LHFPL6: variants seen among roughly 807,000 people sequenced by gnomAD.
LHFPL6 encodes LHFPL tetraspan subfamily member 6, also known as LHFPL tetraspan subfamily member 6 protein.
A neutral mutation model predicts 20.6 loss-of-function variants in LHFPL6; 9 were observed. That is an observed-to-expected ratio of 0.44 (90% CI 0.26 to 0.76). The LOEUF (loss-of-function observed/expected upper bound fraction) is 0.76. LHFPL6 is among the 30% of genes least tolerant of loss of function. The pLI is 0.20. For missense variants in LHFPL6, 218 were observed against 253.5 expected (o/e 0.86, Z 0.95); for synonymous variants, 105 against 98.7 (o/e 1.06, Z -0.38).
chr13:39,450,085 T>G (rs1872400878), intron 2 of LHFPL6, among the ~76,000 whole-genome samples: 1 of 152,218 alleles, frequency 6.6e-6, no homozygotes, highest in Admixed American at 6.5e-5. Flanking sequence ...GATTATTTGC[T>G]TTTATGCTTT....
chr13:39,594,306 G>A (rs542254846), intron 2 of LHFPL6, among the ~76,000 whole-genome samples: 2 of 152,250 alleles, frequency 1.3e-5, no homozygotes, highest in African/African-American at 2.4e-5. Context: ...AGTGGGCGAA[G>A]GACATGAACA....
At chr13:39,597,581 A>C (rs6563730) in intron 2 of LHFPL6, among the ~76,000 whole-genome samples, 5,543 of 152,276 alleles carry the variant, frequency 0.036, 341 homozygotes, top group African/African-American at 0.13. Flanking sequence ...GCCTTTCTAC[A>C]TGCCTTTTAA....
At chr13:39,344,129 A>T in intron 3 of LHFPL6, 75 bp from the exon 4 acceptor site, 1 of 1,178,598 alleles carries the variant, frequency 8.5e-7, no homozygotes, top group Non-Finnish European at 1.2e-6. Flanking sequence ...TATTGCTTCC[A>T]GTGTGTGGGT....
chr13:39,408,537 C>T (rs987095353), intron 2 of LHFPL6, among the ~76,000 whole-genome samples: 11 of 152,186 alleles, frequency 7.2e-5, no homozygotes, highest in Non-Finnish European at 1.2e-4. Flanking sequence ...ACTAAAATGA[C>T]TTAATAAACA....
At chr13:39,381,733 G>A (rs1328808309) in intron 2 of LHFPL6, among the ~76,000 whole-genome samples, 1 of 151,050 alleles carries the variant, frequency 6.6e-6, no homozygotes, top group Non-Finnish European at 1.5e-5. Flanking sequence ...TTGAGTAAGG[G>A]TTAAAAAAAA....
At chr13:39,538,478 C>A (rs1439440883) in intron 2 of LHFPL6, among the ~76,000 whole-genome samples, 2 of 146,374 alleles carry the variant, frequency 1.4e-5, no homozygotes, top group African/African-American at 2.6e-5. Context: ...GGTCAGAGAG[C>A]AACATACTAG....
chr13:39,364,737 G>A (rs370745390), intron 3 of LHFPL6, among the ~76,000 whole-genome samples: 1 of 151,988 alleles, frequency 6.6e-6, no homozygotes, highest in Non-Finnish European at 1.5e-5. Flanking sequence ...CATGTGCCAT[G>A]GTGGTTTGCT....
chr13:39,594,231 A>G (rs1176598440), intron 2 of LHFPL6, among the ~76,000 whole-genome samples: 1 of 152,232 alleles, frequency 6.6e-6, no homozygotes, highest in Non-Finnish European at 1.5e-5. Context: ...ACAAAGGGCT[A>G]ATATCCAGAA....
chr13:39,566,883 A>G (rs1227027867), intron 2 of LHFPL6, among the ~76,000 whole-genome samples: 1 of 152,040 alleles, frequency 6.6e-6, no homozygotes, highest in African/African-American at 2.4e-5. Context: ...AAATAATAAT[A>G]CTTAATTTCT....
At chr13:39,408,546 C>G (rs9566428) in intron 2 of LHFPL6, among the ~76,000 whole-genome samples, 41,844 of 152,136 alleles carry the variant, frequency 0.28, 6,093 homozygotes, top group East Asian at 0.4. Context: ...ACTTAATAAA[C>G]AATGCATTCT....
intron 2 of LHFPL6, among the ~76,000 whole-genome samples, chr13:39,465,535 C>T (rs961934995): frequency 7.2e-5 from 11 of 152,146 alleles, no homozygotes; most frequent in Non-Finnish European, 1.6e-4. Context: ...TCATATCCCA[C>T]CAAACTGCCA....
chr13:39,344,551 C>T (rs1276358830), intron 3 of LHFPL6, among the ~76,000 whole-genome samples: 2 of 152,196 alleles, frequency 1.3e-5, no homozygotes, highest in Non-Finnish European at 2.9e-5. Flanking sequence ...TTACTCTCTA[C>T]TGTCTGAATC....
chr13:39,440,462 T>C (rs1872087072), intron 2 of LHFPL6, among the ~76,000 whole-genome samples: 1 of 152,148 alleles, frequency 6.6e-6, no homozygotes. Flanking sequence ...GATACGAGTC[T>C]TTATATAAAA....
At chr13:39,493,977 A>G (rs1414863550) in intron 2 of LHFPL6, among the ~76,000 whole-genome samples, 1 of 152,228 alleles carries the variant, frequency 6.6e-6, no homozygotes. Flanking sequence ...TAGAAGGTGC[A>G]AGGTGACCTA....
At chr13:39,396,802 A>T (rs966655796) in intron 2 of LHFPL6, among the ~76,000 whole-genome samples, 4 of 152,110 alleles carry the variant, frequency 2.6e-5, no homozygotes, top group Non-Finnish European at 5.9e-5. Flanking sequence ...TCTCAAAAAG[A>T]AAAAAAGACA....
intron 2 of LHFPL6, among the ~76,000 whole-genome samples, chr13:39,393,089 C>T (rs978831520): frequency 3.9e-5 from 6 of 152,044 alleles, no homozygotes; most frequent in South Asian, 2.1e-4. Context: ...TATGCAAATA[C>T]GGTGCCATTT....
At chr13:39,379,355 T>C (rs187190343) in intron 2 of LHFPL6, among the ~76,000 whole-genome samples, 2 of 152,160 alleles carry the variant, frequency 1.3e-5, no homozygotes, top group East Asian at 3.9e-4. Context: ...TAAGATCTTG[T>C]TGTGTCAATC....
chr13:39,473,012 G>A (rs1872988693), intron 2 of LHFPL6, among the ~76,000 whole-genome samples: 2 of 152,224 alleles, frequency 1.3e-5, no homozygotes, highest in East Asian at 3.9e-4. Context: ...TGCACTGTGA[G>A]TGGCAATTAC....
intron 2 of LHFPL6, among the ~76,000 whole-genome samples, chr13:39,551,929 T>C (rs1437874538): frequency 1.3e-5 from 2 of 152,244 alleles, no homozygotes; most frequent in Admixed American, 1.3e-4. Context: ...AACATATTAA[T>C]AGCCCTCTGT....
Sources: gnomAD v4.1 joint callset for allele counts (sites outside exome capture counted in the v4.1 genomes callset) on GRCh38, gnomAD v4.1.1 for gene constraint, MANE v1.5 for transcripts, NCBI Gene and HGNC (gene_info 2026-07-23, HGNC 2026-07-21) for gene names.